ZSCAN29: variants seen among roughly 807,000 people sequenced by gnomAD.
ZSCAN29 encodes zinc finger and SCAN domain containing 29, also known as zinc finger and SCAN domain-containing protein 29.
ZSCAN29 carries 55 observed loss-of-function variants against 71.9 expected under a neutral mutation model. The observed-to-expected ratio is 0.76, with a 90% CI of 0.62 to 0.96. The LOEUF is 0.96. ZSCAN29 is among the 40% of genes least tolerant of loss of function. The pLI, the probability that ZSCAN29 is intolerant of heterozygous loss-of-function variation, is 0.00. For synonymous variants in ZSCAN29, 351 were observed against 371.6 expected, an observed-to-expected ratio of 0.94 and a Z score of 0.64; for missense variants, 1,042 against 1,042.2, an observed-to-expected ratio of 1.00 and a Z score of 0.00.
chr15:43,366,542 C>CA lies in ZSCAN29; in HGVS notation c.789dup (p.Glu264Ter). ...CAGTTTCTGAGAGCCTCATAAAACT[C>CA]AGTCTGGCTGAGAATTGCGAGGAGC... On this transcript the variant is annotated frameshift_variant, in exon 4 of 6. Transcript: ENST00000684362. LOFTEE classifies it high-confidence loss of function. 6.2e-7 allele frequency: 1 copy of CA among 1,614,266 alleles called. No homozygotes were observed.
intron 3 of ZSCAN29, 53 bp downstream of exon 3, chr15:43,368,870 T>C: frequency 1.3e-6 from 2 of 1,500,138 alleles, no homozygotes; most frequent in South Asian, 2.7e-5. Flanking sequence ...TTCCCAACCC[T>C]ACTTCCCAAC....
In ZSCAN29 at chr15:43,361,536, A is replaced by G. The variant is rs2043980787; in HGVS notation, c.2096T>C (p.Ile699Thr). 5 of 1,614,024 alleles carry G rather than the reference A, an allele frequency of 3.1e-6. No individual in the cohort carries two copies. Among genetic ancestry groups the G allele is most frequent in the Non-Finnish European group, 4.2e-6 (5 of 1,180,038 alleles). ...TTTATAAGGTTTCTCTCCAGTGTGG[A>G]TTCTCCGGTGTCTAATGAGTCGTGC... ...RSARLIRHRR[I>T]HTGEKPYKCL... The change falls in exon 6 of 6, where the codon ATC (isoleucine) becomes ACC (threonine). Residue 699 changes from isoleucine (I) to threonine (T), a missense_variant. Physicochemically the swap from Ile to Thr is moderately conservative, Grantham distance 89. Coordinates refer to ENST00000684362, the MANE Select transcript of ZSCAN29 (RefSeq NM_001372080.1).
At position 43,361,875 on chromosome 15, in the gene ZSCAN29, T is replaced by C. The variant is rs1200496716; in HGVS notation, c.1757A>G (p.His586Arg). 2 of 1,614,242 alleles carry C rather than the reference T, an allele frequency of 1.2e-6. No individual in the cohort carries two copies. Among genetic ancestry groups the C allele is most frequent in the East Asian group, 2.2e-5 (1 of 44,890 alleles). The change falls in exon 6 of 6, where the codon CAT (histidine) becomes CGT (arginine). Residue 586 changes from histidine to arginine, a missense_variant. His to Arg is a conservative substitution (Grantham distance 29). Coordinates refer to ENST00000684362, the MANE Select transcript of ZSCAN29 (RefSeq NM_001372080.1). ...TTCAGATCTTGCAAGTAATGTCCTA[T>C]GCAGTTGTACTTCCTCAGAAATATC... ...KRDISEEVQL[H>R]RTLLARSERK...
intron 4 of ZSCAN29, among the ~76,000 whole-genome samples, chr15:43,365,619 GAAA>G (rs1442953109): frequency 6.6e-6 from 1 of 152,014 alleles, no homozygotes; most frequent in Non-Finnish European, 1.5e-5. Context: ...AATTTTTAAA[GAAA>G]AAAATGTTTC....
chr15:43,362,916 G>A (rs913464434), intron 5 of ZSCAN29, among the ~76,000 whole-genome samples: 5 of 152,004 alleles, frequency 3.3e-5, no homozygotes, highest in Admixed American at 2.6e-4. Context: ...TATGTGCCAG[G>A]CACTGTGCAC....
rs772248793 is a variant in ZSCAN29, at chr15:43,366,245, C to A, written c.1087G>T (p.Gly363Trp). The A allele has an allele frequency of 1.9e-6, 3 of 1,613,798 alleles. No homozygotes were observed. The highest frequency in any genetic ancestry group is 2.5e-6 in the Non-Finnish European group (3 of 1,180,038). ...VGSDAETEEPGQRGWQHEEGA... is the reference protein window; with the variant it reads ...VGSDAETEEPWQRGWQHEEGA... ...TCCTCATGCTGCCAGCCCCTCTGCC[C>A]TGGCTCTTCAGTCTCAGCATCGCTG... Residue 363 changes from glycine to tryptophan, a missense_variant, in exon 4 of 6, where the codon GGG becomes TGG. Transcript: ENST00000684362.
At chr15:43,368,860 T>C in intron 3 of ZSCAN29, 63 bp downstream of exon 3, 1 of 1,454,632 alleles carries the variant, frequency 6.9e-7, no homozygotes, top group East Asian at 2.4e-5. Context: ...CCACTCACTA[T>C]TCCCAACCCT....
chr15:43,369,445 A>G, intron 2 of ZSCAN29, 151 bp downstream of exon 2: 1 of 805,248 alleles, frequency 1.2e-6, no homozygotes. Flanking sequence ...GCATCTCCAG[A>G]CAAGCACTAT....
chr15:43,359,918 A>G lies in ZSCAN29; in HGVS notation c.*1155T>C, dbSNP rs994593883. The G allele has an allele frequency of 2.0e-5, 3 of 152,248 alleles. No homozygotes were observed. Among genetic ancestry groups the G allele is most frequent in the Admixed American group, 2.0e-4 (3 of 15,284 alleles). The allele number at this position is 152,248 out of a possible 1,614,324, so 9.4% of individuals were successfully genotyped here. ...ACACCTGTTCTTGACAAGATGATTC[A>G]TAGGGCAGAACCAAGATGGACATTA... is the stretch of plus-strand genomic sequence containing the variant. On this transcript the variant is annotated 3_prime_UTR_variant, in exon 6 of 6. Coordinates refer to ENST00000684362, the MANE Select transcript of ZSCAN29 (RefSeq NM_001372080.1).
rs1566881613 is a variant in ZSCAN29, at chr15:43,361,255, G to A, written c.2377C>T (p.Pro793Ser). ...TTACTGAAACTCTTTCCACAGTCAG[G>A]ACACACATGGGGTCTCTCTCCTGTG... is the stretch of plus-strand genomic sequence containing the variant. ...IHTGERPHVCPDCGKSFSKSS... is the reference protein window; with the variant it reads ...IHTGERPHVCSDCGKSFSKSS... Residue 793 changes from proline to serine, a missense_variant, in exon 6 of 6, where the codon CCT (proline) becomes TCT (serine). Physicochemically the swap from Pro to Ser is moderately conservative, Grantham distance 74. Coordinates refer to ENST00000684362, the MANE Select transcript of ZSCAN29 (RefSeq NM_001372080.1). 6.2e-7 allele frequency: 1 copy of A among 1,614,126 alleles called. No homozygotes were observed. Among genetic ancestry groups the A allele is most frequent in the Admixed American group, 1.7e-5 (1 of 60,010 alleles).
At position 43,359,961 on chromosome 15, in the gene ZSCAN29, G is replaced by C. The variant is rs2043963545; in HGVS notation, c.*1112C>G. 6.6e-6 allele frequency: 1 copy of C among 152,148 alleles called. No individual in the cohort carries two copies. The highest frequency in any genetic ancestry group is 2.4e-5 in the African/African-American group (1 of 41,422). 9.4% of individuals were successfully genotyped at this position (152,148 alleles called of 1,614,324 possible). On this transcript the variant is annotated 3_prime_UTR_variant, in exon 6 of 6. Coordinates refer to ENST00000684362, the MANE Select transcript of ZSCAN29 (RefSeq NM_001372080.1). ...GGACATTAAACTCTCCTTCTTTAAG[G>C]TAAATGAAGAGGGTGCCTGACAAAT...
In ZSCAN29 at chr15:43,360,863, AAG is replaced by A; in HGVS notation, c.*208_*209del. ...TTATCCATCAATTCAGATGCAGGCA[AAG>A]AGAGGGACTGAAATCTTCCTTTCAT... is the stretch of plus-strand genomic sequence containing the variant. On this transcript the variant is annotated 3_prime_UTR_variant, in exon 6 of 6. Coordinates refer to ENST00000684362, the MANE Select transcript of ZSCAN29 (RefSeq NM_001372080.1). 1 of 609,990 alleles carries A rather than the reference AAG, an allele frequency of 1.6e-6. No homozygotes were observed. Among genetic ancestry groups the A allele is most frequent in the South Asian group, 2.4e-5 (1 of 41,378 alleles). The allele number at this position is 609,990 out of a possible 1,614,324, so 37.8% of individuals were successfully genotyped here. A position where few individuals can be genotyped will look rare whatever the true frequency, so the allele number is the denominator to read the frequency against.
chr15:43,370,992 GGCCCC>G lies in ZSCAN29; in HGVS notation c.-552_-548del. 1 of 319,472 alleles carries G rather than the reference GGCCCC, an allele frequency of 3.1e-6. No homozygotes were observed. The highest frequency in any genetic ancestry group is 6.0e-6 in the Non-Finnish European group (1 of 166,814). 19.8% of individuals were successfully genotyped at this position (319,472 alleles called of 1,614,324 possible). A position where few individuals can be genotyped will look rare whatever the true frequency, so the allele number is the denominator to read the frequency against. ...CGACCCTGACCCCGGCCCCGGCCCC[GGCCCC>G]GGCCCCGGCTCTCCAGCCTCCCAAG... is the stretch of plus-strand genomic sequence containing the variant. On this transcript the variant is annotated 5_prime_UTR_variant, in exon 1 of 6. Transcript: ENST00000684362.
chr15:43,366,705 G>A lies in ZSCAN29; in HGVS notation c.627C>T (p.Ser209=), dbSNP rs1443807482. Residue 209 remains serine, a synonymous_variant, in exon 4 of 6, where the codon AGC becomes AGT. Transcript: ENST00000684362. ...CATGCACTCGTCTGTCTCCTATGTG[G>A]CTGCCACTTGGAAGTTCTTTCTCCT... is the stretch of plus-strand genomic sequence containing the variant. ...GSKEKELPSG[S]HIGDRRVHAD... 3.7e-6 allele frequency: 6 copies of A among 1,614,164 alleles called. No homozygotes were observed. In the Admixed American group the frequency reaches 5.0e-5, roughly 13 times the overall value.
Position 43,361,217 on chromosome 15 carries a change from T to C in ZSCAN29, c.2415A>G (p.Leu805=). ...CGKSFSKSSD[L]RAHHRTHTGE... ...CTGTGTGGGTTCTATGATGTGCACG[T>C]AAGTCAGAACTCTTACTGAAACTCT... The change falls in exon 6 of 6, where the codon TTA becomes TTG. Residue 805 remains leucine, a synonymous_variant. Coordinates refer to ENST00000684362, the MANE Select transcript of ZSCAN29 (RefSeq NM_001372080.1). The C allele has an allele frequency of 6.2e-7, 1 of 1,613,620 alleles. No homozygotes were observed. The highest frequency in any genetic ancestry group is 8.5e-7 in the Non-Finnish European group (1 of 1,179,908).
At chr15:43,367,589 C>A (rs1595468627) in intron 3 of ZSCAN29, among the ~76,000 whole-genome samples, 1 of 152,180 alleles carries the variant, frequency 6.6e-6, no homozygotes, top group Admixed American at 6.5e-5. Context: ...GGTACTCACA[C>A]AATTGGGCAA....
chr15:43,363,810 C>T (rs1055838457), intron 5 of ZSCAN29, 105 bp downstream of exon 5: 1 of 1,091,886 alleles, frequency 9.2e-7, no homozygotes, highest in Admixed American at 2.8e-5. Flanking sequence ...CAAGAAGAAT[C>T]CATGAAAGCT....
intron 4 of ZSCAN29, among the ~76,000 whole-genome samples, chr15:43,365,736 A>G (rs2044029563): frequency 7.0e-6 from 1 of 142,076 alleles, no homozygotes; most frequent in East Asian, 2.1e-4. Flanking sequence ...GTAAAACATC[A>G]AGTTCATATG....
Position 43,358,643 on chromosome 15 carries a change from A to G in ZSCAN29, c.*2430T>C, listed in dbSNP as rs1254638197. The G allele has an allele frequency of 6.6e-6, 1 of 152,240 alleles. No individual in the cohort carries two copies. Among genetic ancestry groups the G allele is most frequent in the African/African-American group, 2.4e-5 (1 of 41,452 alleles). 9.4% of individuals were successfully genotyped at this position (152,240 alleles called of 1,614,324 possible). ...GCCACAGAATTCTAATTGAATGTGA[A>G]ACGGCTACTTATCCCAGTCCTTGGC... On this transcript the variant is annotated 3_prime_UTR_variant, in exon 6 of 6. Transcript: ENST00000684362.
Sources: gnomAD v4.1 joint callset for allele counts (sites outside exome capture counted in the v4.1 genomes callset) on GRCh38, gnomAD v4.1.1 for gene constraint, MANE v1.5 for transcripts, NCBI Gene and HGNC (gene_info 2026-07-23, HGNC 2026-07-21) for gene names.